The following MPPED2 variants were observed in gnomAD, a reference collection of about 807,000 sequenced individuals.
The protein encoded by MPPED2 is metallophosphoesterase MPPED2.
MPPED2 carries 5 observed loss-of-function variants against 33.0 expected under a neutral mutation model. The ratio of observed to expected loss-of-function variants is 0.15; its 90% CI spans 0.08 to 0.32. The LOEUF (loss-of-function observed/expected upper bound fraction) is 0.32, where lower values mean the gene tolerates loss of function less well. Among genes scored for constraint, MPPED2 ranks in the 10% least tolerant of loss-of-function variants. MPPED2 has a pLI of 1.00. For missense variants in MPPED2, 275 were observed against 372.1 expected, an observed-to-expected ratio of 0.74 and a Z score of 2.15; for synonymous variants, 136 against 141.9, an observed-to-expected ratio of 0.96 and a Z score of 0.29.
At chr11:30,410,103 G>GA (rs1281399619), downstream of MPPED2, 6 of 984,498 alleles carry the variant, frequency 6.1e-6, no homozygotes, top group South Asian at 9.4e-5. Flanking sequence ...GAAAATTAGG[G>GA]AAAAAAATCA....
intron 4 of MPPED2, among the ~76,000 whole-genome samples, chr11:30,430,280 T>C (rs905530800): frequency 2.6e-5 from 4 of 152,166 alleles, no homozygotes; most frequent in Non-Finnish European, 5.9e-5. Flanking sequence ...GAGATGTAGC[T>C]AGTCTGAAAA....
chr11:30,557,924 G>T (rs965345844), intron 2 of MPPED2, among the ~76,000 whole-genome samples: 1 of 152,278 alleles, frequency 6.6e-6, no homozygotes, highest in Middle Eastern at 3.4e-3. Context: ...TTCCTTGGGC[G>T]TGTTGAACTG....
At chr11:30,432,427 C>T (rs1264582762) in intron 4 of MPPED2, among the ~76,000 whole-genome samples, 1 of 152,068 alleles carries the variant, frequency 6.6e-6, no homozygotes, top group Non-Finnish European at 1.5e-5. Context: ...AAAAATAAAG[C>T]AGGTTATAGT....
At chr11:30,534,932 T>C (rs1448774222) in intron 3 of MPPED2, among the ~76,000 whole-genome samples, 3 of 152,128 alleles carry the variant, frequency 2.0e-5, no homozygotes, top group African/African-American at 7.2e-5. Context: ...CAAAAACGTT[T>C]TAAGTCTTAC....
At chr11:30,424,376 G>T (rs1016175086) in intron 4 of MPPED2, among the ~76,000 whole-genome samples, 2 of 152,124 alleles carry the variant, frequency 1.3e-5, no homozygotes, top group African/African-American at 4.8e-5. Flanking sequence ...CTTCTGAATT[G>T]CAACCTTCTT....
intron 4 of MPPED2, among the ~76,000 whole-genome samples, chr11:30,472,265 G>A (rs1267315052): frequency 6.6e-6 from 1 of 152,148 alleles, no homozygotes; most frequent in Non-Finnish European, 1.5e-5. Context: ...GGGGTCTGAG[G>A]TGGGAGGATT....
chr11:30,483,663 T>C (rs1951594143), intron 4 of MPPED2, among the ~76,000 whole-genome samples: 2 of 152,344 alleles, frequency 1.3e-5, no homozygotes, highest in East Asian at 1.9e-4. Context: ...GCCTGAATTA[T>C]GGCTAGTGAT....
chr11:30,437,928 G>T (rs957904972), intron 4 of MPPED2, among the ~76,000 whole-genome samples: 53 of 152,160 alleles, frequency 3.5e-4, no homozygotes, highest in Non-Finnish European at 6.5e-4. Context: ...TCTGGAGCCA[G>T]ACAATTGGGT....
chr11:30,521,370 C>A (rs77715340), intron 3 of MPPED2, among the ~76,000 whole-genome samples: 3,570 of 152,292 alleles, frequency 0.023, 73 homozygotes, highest in Admixed American at 0.053. Flanking sequence ...GCTAATCAAA[C>A]GCCTTTGTAA....
intron 2 of MPPED2, among the ~76,000 whole-genome samples, chr11:30,556,611 T>C (rs568686451): frequency 1.3e-4 from 20 of 152,332 alleles, no homozygotes; most frequent in East Asian, 5.8e-4. Context: ...TTGTGTGTCA[T>C]TGACAAGCTG....
chr11:30,543,675 G>A (rs557409849), intron 2 of MPPED2, among the ~76,000 whole-genome samples: 5 of 152,030 alleles, frequency 3.3e-5, no homozygotes, highest in African/African-American at 1.2e-4. Flanking sequence ...TGTAGACTGA[G>A]CTTCTAGATA....
chr11:30,512,616 C>G (rs1953283716), intron 3 of MPPED2, among the ~76,000 whole-genome samples: 1 of 152,150 alleles, frequency 6.6e-6, no homozygotes, highest in Non-Finnish European at 1.5e-5. Context: ...CGGGATTGTA[C>G]AAACCCTTTA....
chr11:30,415,443 A>G (rs1948304408), intron 5 of MPPED2, among the ~76,000 whole-genome samples: 1 of 152,236 alleles, frequency 6.6e-6, no homozygotes, highest in African/African-American at 2.4e-5. Context: ...CAAACATCTG[A>G]GAAAGCATCT....
Position 30,583,582 on chromosome 11 carries a change from C to T in MPPED2, c.-122+2460G>A, listed in dbSNP as rs143443211. On this transcript the variant is annotated intron_variant, in intron 1 of 6. Transcript: ENST00000358117. ...TTTTGCATTTCCTAGACAGCAATCACTTCTGTCCTTTAAGCTGTACAACTA... is the reference window on the plus strand; with the variant it reads ...TTTTGCATTTCCTAGACAGCAATCATTTCTGTCCTTTAAGCTGTACAACTA... Among the ~76,000 whole-genome samples the T allele has an allele frequency of 1.6e-4, 25 of 152,272 alleles. 1 individual carries two copies. Among genetic ancestry groups the T allele is most frequent in the African/African-American group, 5.8e-4 (24 of 41,544 alleles).
At chr11:30,481,042 G>A (rs1590470904) in intron 4 of MPPED2, among the ~76,000 whole-genome samples, 1 of 152,008 alleles carries the variant, frequency 6.6e-6, no homozygotes, top group South Asian at 2.1e-4. Flanking sequence ...GAAAAAGTGA[G>A]GAAATGCACA....
At chr11:30,408,557 G>T (rs554523286), downstream of MPPED2, among the ~76,000 whole-genome samples, 4 of 152,054 alleles carry the variant, frequency 2.6e-5, no homozygotes, top group Non-Finnish European at 4.4e-5. Context: ...TGATCCGCCC[G>T]CCTCAGCCTC....
chr11:30,519,347 T>TA (rs1953718694), intron 3 of MPPED2, among the ~76,000 whole-genome samples: 1 of 151,910 alleles, frequency 6.6e-6, no homozygotes, highest in African/African-American at 2.4e-5. Context: ...CATGAATATG[T>TA]ATGTGCATAT....
rs1468565657 is a variant in MPPED2 at position 30,586,337 on chromosome 11, A to T, written c.-417T>A. 2 of 153,440 alleles carry T rather than the reference A, an allele frequency of 1.3e-5. No individual in the cohort carries two copies. The highest frequency in any genetic ancestry group is 2.4e-5 in the African/African-American group (1 of 41,330). The allele number at this position is 153,440 out of a possible 1,614,324, so 9.5% of individuals were successfully genotyped here. A position where few individuals can be genotyped will look rare whatever the true frequency, so the allele number is the denominator to read the frequency against. On this transcript the variant is annotated 5_prime_UTR_variant, in exon 1 of 7. Coordinates refer to ENST00000358117, the MANE Select transcript of MPPED2 (RefSeq NM_001584.3). The surrounding 1 kb of genome is among the most constrained non-coding windows in gnomAD (Gnocchi z 4.8). The stretch of plus-strand genomic sequence containing the variant: ...AGCGAGGGCGCGGCGAGCCGGAGGG[A>T]GAGCGAGCGGTGCAGTGACAGGGAC...
At chr11:30,482,404 G>GT (rs1951529282) in intron 4 of MPPED2, among the ~76,000 whole-genome samples, 1 of 152,176 alleles carries the variant, frequency 6.6e-6, no homozygotes, top group African/African-American at 2.4e-5. Context: ...CAAGGTGAAT[G>GT]TAAGAATGCT....
Sources: allele counts gnomAD v4.1 joint callset (sites outside exome capture counted in the v4.1 genomes callset), GRCh38; gene constraint gnomAD v4.1.1; non-coding constraint Gnocchi (gnomAD v3.1); transcripts MANE v1.5; gene names NCBI Gene and HGNC (gene_info 2026-07-23, HGNC 2026-07-21).